Variants in SYNE3 observed in about 807,000 individuals in gnomAD.
The protein encoded by SYNE3 is nesprin-3.
A neutral mutation model predicts 111.2 loss-of-function variants in SYNE3; 100 were observed. That is an observed-to-expected ratio of 0.90 (90% CI 0.77 to 1.06). The LOEUF is 1.06. SYNE3 is among the 50% of genes least tolerant of loss of function. SYNE3 has a pLI of 0.00. For missense variants in SYNE3, 1,160 were observed against 1,240.3 expected, an observed-to-expected ratio of 0.94 and a Z score of 0.97; for synonymous variants, 547 against 533.9, an observed-to-expected ratio of 1.02 and a Z score of -0.34.
intron 1 of SYNE3, among the ~76,000 whole-genome samples, chr14:95,482,843 C>A (rs1889339950): frequency 6.6e-6 from 1 of 152,200 alleles, no homozygotes; most frequent in Non-Finnish European, 1.5e-5. Flanking sequence ...CCCTACTTTA[C>A]AGCTGAGAAA....
chr14:95,429,331 T>C (rs1221478976), intron 17 of SYNE3, among the ~76,000 whole-genome samples: 1 of 152,212 alleles, frequency 6.6e-6, no homozygotes, highest in Admixed American at 6.5e-5. Context: ...TGCGGCTAAA[T>C]GACTCACTGA....
chr14:95,427,675 G>A (rs1324108733), intron 17 of SYNE3, among the ~76,000 whole-genome samples: 1 of 152,132 alleles, frequency 6.6e-6, no homozygotes, highest in Non-Finnish European at 1.5e-5. Flanking sequence ...AATCATTGGA[G>A]ATGACTCACA....
chr14:95,438,964 G>A, intron 14 of SYNE3, 69 bp downstream of exon 14: 2 of 1,595,306 alleles, frequency 1.3e-6, no homozygotes, highest in Non-Finnish European at 1.7e-6. Flanking sequence ...GGCCTGTGCT[G>A]GAGACCCCTA....
rs71132345 is a variant in SYNE3, at chr14:95,414,686, GACACACACACACAC to G, written c.*3126_*3139del. 19,317 of 128,124 alleles carry G rather than the reference GACACACACACACAC, an allele frequency of 0.15. 1,488 individuals carry two copies. Among genetic ancestry groups the G allele is most frequent in the Middle Eastern group, 0.28 (78 of 276 alleles). The allele number at this position is 128,124 out of a possible 1,614,324, so 7.9% of individuals were successfully genotyped here. On this transcript the variant is annotated 3_prime_UTR_variant, in exon 18 of 18. Transcript: ENST00000682763. ...CTCCTTCCCTCCTCTCTCTCTCTCT[GACACACACACACAC>G]ACACACACACACACACACACACACA...
rs138527490 is a variant in SYNE3 at position 95,515,308 on chromosome 14, G to A, written c.-15+1288C>T. ...AATGTGCAGACCCACATGTGCTGGA[G>A]CATCCCGCTGGGGCACAGTGACAGG... On this transcript the variant is annotated intron_variant, in intron 1 of 17. Transcript: ENST00000682763. 2.3e-3 allele frequency among the ~76,000 whole-genome samples: 345 copies of A among 152,370 alleles called. 1 individual carries two copies. Among genetic ancestry groups the A allele is most frequent in the Non-Finnish European group, 3.7e-3 (253 of 68,040 alleles).
intron 17 of SYNE3, among the ~76,000 whole-genome samples, chr14:95,420,788 G>T (rs115844844): frequency 0.018 from 2,782 of 152,058 alleles, 88 homozygotes; most frequent in African/African-American, 0.062. Flanking sequence ...CAAGAAAAAT[G>T]ACAATCTTGG....
intron 2 of SYNE3, among the ~76,000 whole-genome samples, chr14:95,472,907 C>T (rs1243352215): frequency 1.3e-5 from 2 of 152,070 alleles, no homozygotes; most frequent in African/African-American, 4.8e-5. Flanking sequence ...GGCTGCATGG[C>T]TATTAAGAGT....
chr14:95,449,981 C>T lies in SYNE3; in HGVS notation c.1399G>A (p.Ala467Thr). The T allele has an allele frequency of 6.4e-7, 1 of 1,554,834 alleles. No homozygotes were observed. The highest frequency in any genetic ancestry group is 1.2e-5 in the South Asian group (1 of 84,250). The change falls in exon 8 of 18, where the codon GCC (alanine) becomes ACC (threonine). Residue 467 changes from alanine to threonine, a missense_variant. Physicochemically the swap from Ala to Thr is moderately conservative, Grantham distance 58. Coordinates refer to ENST00000682763, the MANE Select transcript of SYNE3 (RefSeq NM_152592.6). ...ALAQRLLEVTASLPDLPSLHT... is the reference protein window; with the variant it reads ...ALAQRLLEVTTSLPDLPSLHT... The stretch of plus-strand genomic sequence containing the variant: ...AGGGAAGGCAGGTCCGGCAGGCTGG[C>T]AGTGACCTCCAAGAGCCGCTGGGCC...
At chr14:95,477,663 A>C (rs1054423405) in intron 1 of SYNE3, among the ~76,000 whole-genome samples, 9 of 151,836 alleles carry the variant, frequency 5.9e-5, no homozygotes, top group Non-Finnish European at 1.2e-4. Context: ...GGCCAGGGGG[A>C]GGTGGGCGAC....
intron 1 of SYNE3, among the ~76,000 whole-genome samples, chr14:95,508,920 T>C (rs748766541): frequency 6.6e-6 from 1 of 152,226 alleles, no homozygotes; most frequent in African/African-American, 2.4e-5. Context: ...AATATTAGGA[T>C]CTGTCCTTCA....
chr14:95,426,804 C>A (rs989327815), intron 17 of SYNE3, among the ~76,000 whole-genome samples: 3 of 151,416 alleles, frequency 2.0e-5, no homozygotes, highest in African/African-American at 7.3e-5. Flanking sequence ...ATTAGCCAGG[C>A]GTGGTGGCAG....
intron 1 of SYNE3, among the ~76,000 whole-genome samples, chr14:95,492,640 G>A (rs1400110127): frequency 2.6e-5 from 4 of 152,162 alleles, no homozygotes; most frequent in Non-Finnish European, 4.4e-5. Context: ...TGACTGTGAA[G>A]GAGTGCAGGG....
At chr14:95,436,308 C>G (rs1484551390) in intron 15 of SYNE3, among the ~76,000 whole-genome samples, 1 of 152,136 alleles carries the variant, frequency 6.6e-6, no homozygotes, top group African/African-American at 2.4e-5. Context: ...TCTTTTCTGC[C>G]CTGCCTCTGC....
intron 4 of SYNE3, among the ~76,000 whole-genome samples, chr14:95,459,327 G>A (rs553327965): frequency 1.0e-3 from 156 of 152,348 alleles, no homozygotes; most frequent in African/African-American, 3.6e-3. Context: ...TTGGGAGGCT[G>A]AGGCAAGAGG....
At chr14:95,475,157 G>A (rs1566678074) in intron 2 of SYNE3, among the ~76,000 whole-genome samples, 2 of 152,268 alleles carry the variant, frequency 1.3e-5, no homozygotes, top group African/African-American at 4.8e-5. Flanking sequence ...AGCACTTAGT[G>A]CTACATGGTC....
chr14:95,449,084 G>A (rs964345418), intron 8 of SYNE3, among the ~76,000 whole-genome samples: 1 of 152,106 alleles, frequency 6.6e-6, no homozygotes, highest in Non-Finnish European at 1.5e-5. Flanking sequence ...GTTCAATGAT[G>A]CCAGAGACAG....
chr14:95,493,902 T>C (rs755585307), intron 1 of SYNE3, among the ~76,000 whole-genome samples: 3 of 152,248 alleles, frequency 2.0e-5, no homozygotes, highest in Non-Finnish European at 4.4e-5. Flanking sequence ...TTTTTAATTT[T>C]ATACTTGAAA....
In SYNE3 at chr14:95,439,673, C is replaced by A. The variant is rs778380161; in HGVS notation, c.2185G>T (p.Glu729Ter). Reference sequence around the variant, plus strand: ...CACGACTCTGCCAGCTCCCTGAGCTCCTCCTGCACCACGGCAGCACCCTCC... The same window carrying A: ...CACGACTCTGCCAGCTCCCTGAGCTACTCCTGCACCACGGCAGCACCCTCC... ...SPEGAAVVQEELRELAESWRA... is the reference protein window; with the variant it reads ...SPEGAAVVQE Residue 729 changes from glutamate to a stop codon, truncating the protein, a stop_gained, in exon 13 of 18, where the codon GAG (glutamate) becomes TAG (stop). Coordinates refer to ENST00000682763, the MANE Select transcript of SYNE3 (RefSeq NM_152592.6). LOFTEE classifies it high-confidence loss of function. 6.2e-7 allele frequency: 1 copy of A among 1,613,964 alleles called. No individual in the cohort carries two copies. Among genetic ancestry groups the A allele is most frequent in the Non-Finnish European group, 8.5e-7 (1 of 1,180,044 alleles).
intron 1 of SYNE3, among the ~76,000 whole-genome samples, chr14:95,494,011 G>A (rs1195828822): frequency 2.0e-5 from 3 of 152,038 alleles, no homozygotes; most frequent in Non-Finnish European, 2.9e-5. Flanking sequence ...GCTGGGAGGC[G>A]AGAATTCAAA....
Sources: gnomAD v4.1 joint callset for allele counts (sites outside exome capture counted in the v4.1 genomes callset) on GRCh38, gnomAD v4.1.1 for gene constraint, MANE v1.5 for transcripts, NCBI Gene and HGNC (gene_info 2026-07-23, HGNC 2026-07-21) for gene names.